PCCB: variants seen among roughly 807,000 people sequenced by gnomAD.
PCCB encodes propionyl-CoA carboxylase subunit beta.
PCCB carries 43 observed loss-of-function variants against 60.7 expected under a neutral mutation model. That is an observed-to-expected ratio of 0.71 (90% CI 0.55 to 0.91). The LOEUF (loss-of-function observed/expected upper bound fraction) is 0.91. Ranked by LOEUF, PCCB falls within the 40% of genes least tolerant of loss-of-function variation. The pLI is 0.00. For synonymous variants in PCCB, 276 were observed against 255.9 expected, an observed-to-expected ratio of 1.08 and a Z score of -0.75; for missense variants, 766 against 702.8, an observed-to-expected ratio of 1.09 and a Z score of -1.02.
intron 1 of PCCB, among the ~76,000 whole-genome samples, chr3:136,253,049 C>T (rs1236971230): frequency 9.3e-5 from 12 of 128,834 alleles, no homozygotes; most frequent in African/African-American, 1.5e-4. Flanking sequence ...GTATTTGCCT[C>T]GGGTTGAGAG....
intron 1 of PCCB, among the ~76,000 whole-genome samples, chr3:136,254,385 A>AT (rs1479916313): frequency 4.0e-5 from 6 of 150,540 alleles, no homozygotes; most frequent in Non-Finnish European, 8.9e-5. Context: ...AGCCCAGCTA[A>AT]TTTTTTTTGT....
At chr3:136,288,377 C>T (rs1044931919) in intron 6 of PCCB, among the ~76,000 whole-genome samples, 2 of 151,606 alleles carry the variant, frequency 1.3e-5, no homozygotes, top group Admixed American at 6.6e-5. Flanking sequence ...ACGGAGTCTC[C>T]CCCTCTCACC....
intron 9 of PCCB, among the ~76,000 whole-genome samples, chr3:136,310,841 A>C (rs1474036480): frequency 6.6e-6 from 1 of 152,152 alleles, no homozygotes; most frequent in Admixed American, 6.6e-5. Flanking sequence ...GAAAAATCAC[A>C]ATTATTTATA....
At position 136,279,975 on chromosome 3, in the gene PCCB, A is replaced by G. The variant is rs1158256894; in HGVS notation, c.544-3862A>G. Among the ~76,000 whole-genome samples the G allele has an allele frequency of 2.0e-5, 3 of 152,156 alleles. No individual in the cohort carries two copies. In the East Asian group the frequency reaches 5.8e-4, roughly 30 times the overall value. On this transcript the variant is annotated intron_variant, in intron 5 of 14. Coordinates refer to ENST00000251654, the MANE Select transcript of PCCB (RefSeq NM_000532.5). Reference sequence around the variant, plus strand: ...GCCACCGCGCCCGGCCTTTTTATTTATTTTTGTAAATTTTATTTTTTGTGC... The same window carrying G: ...GCCACCGCGCCCGGCCTTTTTATTTGTTTTTGTAAATTTTATTTTTTGTGC...
chr3:136,280,389 C>G (rs529266246), intron 5 of PCCB, among the ~76,000 whole-genome samples: 148 of 152,260 alleles, frequency 9.7e-4, no homozygotes, highest in African/African-American at 3.3e-3. Flanking sequence ...CTCTGTTGCC[C>G]AGGATGGAGT....
chr3:136,259,348 C>G (rs1436811967), intron 3 of PCCB: 11 of 391,142 alleles, frequency 2.8e-5, no homozygotes, highest in Non-Finnish European at 4.1e-5. Context: ...GCCTGTAATC[C>G]CAGCTACTCG....
At chr3:136,317,115 G>A (rs748835415) in intron 10 of PCCB, 51 bp downstream of exon 10, 83 of 1,604,180 alleles carry the variant, frequency 5.2e-5, no homozygotes, top group Non-Finnish European at 6.7e-5. Flanking sequence ...GGCCAGGGAA[G>A]CCTGGGTCCA....
intron 5 of PCCB, among the ~76,000 whole-genome samples, chr3:136,267,589 G>T (rs1199368004): frequency 2.0e-5 from 3 of 152,036 alleles, no homozygotes; most frequent in Non-Finnish European, 4.4e-5. Context: ...GGGTCAGGCA[G>T]TCCTCCTGCC....
intron 5 of PCCB, among the ~76,000 whole-genome samples, chr3:136,268,122 G>GTATATATATATATATATATATATATGTA (rs1410337209): frequency 4.0e-5 from 3 of 74,858 alleles, no homozygotes; most frequent in East Asian, 4.2e-4. Flanking sequence ...ATATATATAT[G>GTATATATATATATATATATATATATGTA]TATATATATA....
At chr3:136,273,590 CTTTTTTCT>C (rs1942257982) in intron 5 of PCCB, among the ~76,000 whole-genome samples, 2 of 65,638 alleles carry the variant, frequency 3.0e-5, no homozygotes, top group Admixed American at 1.6e-4. Flanking sequence ...TTTTTTTTTT[CTTTTTTCT>C]TTTTTTTTTT....
chr3:136,313,992 G>A (rs1934775664), intron 9 of PCCB, among the ~76,000 whole-genome samples: 1 of 151,980 alleles, frequency 6.6e-6, no homozygotes, highest in Admixed American at 6.6e-5. Flanking sequence ...ATGAACTCAT[G>A]GTTTTTCATA....
intron 3 of PCCB, among the ~76,000 whole-genome samples, chr3:136,256,920 T>G (rs1941685864): frequency 6.6e-6 from 1 of 152,188 alleles, no homozygotes; most frequent in Non-Finnish European, 1.5e-5. Flanking sequence ...TGTGTGCCTG[T>G]AGGGCATCTG....
At chr3:136,315,826 C>CA (rs1030127256) in intron 9 of PCCB, among the ~76,000 whole-genome samples, 39 of 143,484 alleles carry the variant, frequency 2.7e-4, no homozygotes, top group African/African-American at 7.2e-4. Flanking sequence ...AGACCTGTCT[C>CA]AAAAAAAAAA....
intron 1 of PCCB, among the ~76,000 whole-genome samples, chr3:136,250,805 C>A (rs538709209): frequency 6.6e-6 from 1 of 152,332 alleles, no homozygotes; most frequent in Admixed American, 6.5e-5. Context: ...CGTCTCTAGC[C>A]AGCTCAACAC....
chr3:136,301,678 C>T (rs955501814), intron 9 of PCCB, among the ~76,000 whole-genome samples: 2 of 152,064 alleles, frequency 1.3e-5, no homozygotes, highest in Admixed American at 6.5e-5. Flanking sequence ...ACTGTGCTCT[C>T]GGTAGTCCTT....
intron 8 of PCCB, among the ~76,000 whole-genome samples, chr3:136,299,840 GTA>G (rs1278563685): frequency 1.3e-5 from 2 of 151,680 alleles, no homozygotes; most frequent in African/African-American, 4.8e-5. Flanking sequence ...ATATGCATGT[GTA>G]TGTATATGCA....
At chr3:136,264,800 G>A (rs1308614438) in intron 5 of PCCB, among the ~76,000 whole-genome samples, 2 of 148,044 alleles carry the variant, frequency 1.4e-5, no homozygotes, top group Non-Finnish European at 3.0e-5. Flanking sequence ...GCATGAACCC[G>A]GGAGGCAGAG....
chr3:136,318,409 A>G (rs1221322336), intron 10 of PCCB, among the ~76,000 whole-genome samples: 1 of 152,164 alleles, frequency 6.6e-6, no homozygotes, highest in Non-Finnish European at 1.5e-5. Flanking sequence ...GTCATGGTAA[A>G]ATATATATAA....
At chr3:136,324,811 T>G (rs751921119) in intron 10 of PCCB, among the ~76,000 whole-genome samples, 1 of 152,196 alleles carries the variant, frequency 6.6e-6, no homozygotes, top group Non-Finnish European at 1.5e-5. Flanking sequence ...CGGAAATTTG[T>G]GAATGAGGTC....
Sources: gnomAD v4.1 joint callset for allele counts (sites outside exome capture counted in the v4.1 genomes callset) on GRCh38, gnomAD v4.1.1 for gene constraint, MANE v1.5 for transcripts, NCBI Gene and HGNC (gene_info 2026-07-23, HGNC 2026-07-21) for gene names.